IL1RAPL2: variants seen among roughly 807,000 people sequenced by gnomAD.
IL1RAPL2 encodes interleukin 1 receptor accessory protein like 2, also known as X-linked interleukin-1 receptor accessory protein-like 2.
A neutral mutation model predicts 44.1 loss-of-function variants in IL1RAPL2; 3 were observed. The ratio of observed to expected loss-of-function variants is 0.07; its 90% CI spans 0.03 to 0.18. The LOEUF is 0.18. Among genes scored for constraint, IL1RAPL2 ranks in the 10% least tolerant of loss-of-function variants. The probability of loss-of-function intolerance (pLI) is 1.00; values close to 1 mark genes in which losing one functional copy is unlikely to be tolerated. For missense variants in IL1RAPL2, 391 were observed against 496.4 expected (o/e 0.79, Z 2.02); for synonymous variants, 181 against 178.8 (o/e 1.01, Z -0.10).
chrX:104,710,748 A>G (rs773811891), intron 2 of IL1RAPL2, among the ~76,000 whole-genome samples: 118 of 111,374 alleles, frequency 1.1e-3, no homozygotes, highest in Non-Finnish European at 2.0e-3. Context: ...AAAAACTCCT[A>G]TCATCTAGAA....
At chrX:105,032,101 T>G (rs187069897) in intron 2 of IL1RAPL2, among the ~76,000 whole-genome samples, 2 of 111,712 alleles carry the variant, frequency 1.8e-5, no homozygotes, top group East Asian at 5.6e-4. Flanking sequence ...ATTGCATCTG[T>G]TTGATTCTTC....
chrX:105,758,047 C>T (rs1427005209), intron 10 of IL1RAPL2, among the ~76,000 whole-genome samples: 2 of 111,264 alleles, frequency 1.8e-5, no homozygotes, highest in Non-Finnish European at 3.8e-5. Context: ...GATTTAACAG[C>T]TTATATTATA....
intron 6 of IL1RAPL2, among the ~76,000 whole-genome samples, chrX:105,679,161 T>TAATG (rs761092326): frequency 1.3e-4 from 14 of 111,220 alleles, no homozygotes; most frequent in Admixed American, 3.8e-4. Flanking sequence ...TATGATACTA[T>TAATG]AATGACACTT....
rs192098297 is a variant in IL1RAPL2, at chrX:104,826,934, C to G, written c.82+167939C>G. 6.6e-4 allele frequency among the ~76,000 whole-genome samples: 59 copies of G among 89,669 alleles called. No individual in the cohort carries two copies. The East Asian group carries it at 0.013, about 20-fold the overall frequency. 77.9% of individuals were successfully genotyped at this position (89,669 alleles called of 115,157 possible). On this transcript the variant is annotated intron_variant, in intron 2 of 10. Coordinates refer to ENST00000372582, the MANE Select transcript of IL1RAPL2 (RefSeq NM_017416.2). ...TTTATCAGAGACTAGAATTGCAACC[C>G]CTGCTTTTTTTTTTTTTTTTTTTTT...
At chrX:105,059,877 C>T (rs918334768) in intron 2 of IL1RAPL2, among the ~76,000 whole-genome samples, 1 of 112,078 alleles carries the variant, frequency 8.9e-6, no homozygotes, top group Non-Finnish European at 1.9e-5. Flanking sequence ...AGGTTGCTTC[C>T]AAATCTTGGC....
intron 1 of IL1RAPL2, chrX:104,647,799 C>CAA (rs1038035058): frequency 1.9e-6 from 1 of 538,474 alleles, no homozygotes; most frequent in Non-Finnish European, 3.4e-6. Flanking sequence ...GAATGGCAGT[C>CAA]AAAGATAATT....
intron 5 of IL1RAPL2, among the ~76,000 whole-genome samples, chrX:105,325,810 T>A (rs1485984263): frequency 9.1e-6 from 1 of 110,108 alleles, no homozygotes; most frequent in Non-Finnish European, 1.9e-5. Context: ...TTGATTTGCA[T>A]TTCCCTGATG....
intron 6 of IL1RAPL2, among the ~76,000 whole-genome samples, chrX:105,646,554 AT>A (rs961584764): frequency 5.4e-5 from 6 of 111,599 alleles, no homozygotes; most frequent in African/African-American, 2.0e-4. Context: ...CTGAATACCT[AT>A]TTTTTTACCT....
intron 5 of IL1RAPL2, among the ~76,000 whole-genome samples, chrX:105,461,033 A>G (rs951114672): frequency 8.9e-6 from 1 of 111,905 alleles, no homozygotes; most frequent in Non-Finnish European, 1.9e-5. Context: ...TGTATTTGCT[A>G]GTTTTTTATG....
chrX:105,556,709 T>A (rs1297632103), intron 6 of IL1RAPL2, among the ~76,000 whole-genome samples: 1 of 112,245 alleles, frequency 8.9e-6, no homozygotes, highest in Non-Finnish European at 1.9e-5. Flanking sequence ...CATATGTGAC[T>A]GGCTTAGTAA....
intron 2 of IL1RAPL2, among the ~76,000 whole-genome samples, chrX:105,153,659 A>G (rs1273212391): frequency 2.7e-5 from 3 of 111,686 alleles, no homozygotes; most frequent in Non-Finnish European, 5.6e-5. Context: ...CAATACATGT[A>G]AGGTATACAT....
intron 5 of IL1RAPL2, among the ~76,000 whole-genome samples, chrX:105,336,089 G>T (rs1162638335): frequency 8.9e-6 from 1 of 111,973 alleles, no homozygotes; most frequent in Non-Finnish European, 1.9e-5. Context: ...GACTGAAACT[G>T]ACTGAGTTAA....
intron 5 of IL1RAPL2, among the ~76,000 whole-genome samples, chrX:105,440,679 T>G (rs1004621292): frequency 2.2e-4 from 25 of 112,461 alleles, no homozygotes; most frequent in Non-Finnish European, 4.5e-4. Flanking sequence ...GAAACAGTTT[T>G]GTTCAGAAAC....
intron 2 of IL1RAPL2, among the ~76,000 whole-genome samples, chrX:104,877,736 G>A (rs1026633993): frequency 9.0e-6 from 1 of 111,350 alleles, no homozygotes; most frequent in African/African-American, 3.3e-5. Flanking sequence ...TGAGCTGTCT[G>A]TACATACAGG....
intron 2 of IL1RAPL2, among the ~76,000 whole-genome samples, chrX:104,912,083 A>G (rs936042474): frequency 2.7e-4 from 30 of 110,951 alleles, no homozygotes; most frequent in African/African-American, 8.2e-4. Context: ...TCATTTTCAG[A>G]TATTTTAGAA....
intron 10 of IL1RAPL2, among the ~76,000 whole-genome samples, chrX:105,763,137 G>A (rs369059301): frequency 9.0e-6 from 1 of 111,598 alleles, no homozygotes. Flanking sequence ...CTTTGTAAAG[G>A]TCCAGATAGT....
intron 2 of IL1RAPL2, among the ~76,000 whole-genome samples, chrX:104,693,173 G>A (rs1357030032): frequency 8.9e-6 from 1 of 111,884 alleles, no homozygotes; most frequent in Non-Finnish European, 1.9e-5. Context: ...AACATACAGT[G>A]TTTTCATCTC....
chrX:104,847,041 G>GTTGT (rs777029090), intron 2 of IL1RAPL2, among the ~76,000 whole-genome samples: 5 of 111,440 alleles, frequency 4.5e-5, no homozygotes, highest in Admixed American at 3.8e-4. Flanking sequence ...TTTTGATGGG[G>GTTGT]TTGTTTTTTT....
rs548959468 is a variant in IL1RAPL2 at position 104,678,883 on chromosome X, C to T, written c.82+19888C>T. Among the ~76,000 whole-genome samples, 19 of 110,524 alleles carry T rather than the reference C, an allele frequency of 1.7e-4. No individual in the cohort carries two copies. The Admixed American group carries it at 1.7e-3, about 10-fold the overall frequency. On this transcript the variant is annotated intron_variant, in intron 2 of 10. Transcript: ENST00000372582. ...GAAACACCTAATGTAGATGACAGGTCGATGGGTGCAGCAAACCACCATGGC... is the reference window on the plus strand; with the variant it reads ...GAAACACCTAATGTAGATGACAGGTTGATGGGTGCAGCAAACCACCATGGC...
Sources: allele counts gnomAD v4.1 joint callset (sites outside exome capture counted in the v4.1 genomes callset), GRCh38; gene constraint gnomAD v4.1.1; transcripts MANE v1.5; gene names NCBI Gene and HGNC (gene_info 2026-07-23, HGNC 2026-07-21).